Variants in CAPRIN2 observed in about 807,000 individuals in gnomAD.
CAPRIN2 encodes caprin family member 2.
CAPRIN2 carries 66 observed loss-of-function variants against 130.4 expected under a neutral mutation model. The observed-to-expected ratio is 0.51, with a 90% CI of 0.42 to 0.62. The LOEUF (loss-of-function observed/expected upper bound fraction) is 0.62. CAPRIN2 is among the 20% of genes least tolerant of loss of function. The pLI, the probability that CAPRIN2 is intolerant of heterozygous loss-of-function variation, is 0.00. For missense variants in CAPRIN2, 1,185 were observed against 1,246.6 expected (o/e 0.95, Z 0.74); for synonymous variants, 471 against 444.1 (o/e 1.06, Z -0.76).
exon 8 of CAPRIN2, chr12:30,729,322 G>A (rs550199151): frequency 6.5e-7 from 1 of 1,542,596 alleles, no homozygotes; most frequent in Admixed American, 2.2e-5. Context: ...CGTCTGTTAA[G>A]AAACTAGATA....
chr12:30,719,073 A>G lies in CAPRIN2; in HGVS notation c.2148+1738T>C. The G allele has an allele frequency of 6.2e-7, 1 of 1,612,470 alleles. No homozygotes were observed. On this transcript the variant is annotated intron_variant, in intron 12 of 16. Transcript: ENST00000298892. Reference sequence around the variant, plus strand: ...ACTGCAATCATCATTCATGTTTCATACTCACTGTCTGCATGGCTTGAAAGG... The same window carrying G: ...ACTGCAATCATCATTCATGTTTCATGCTCACTGTCTGCATGGCTTGAAAGG...
At chr12:30,741,287 T>C (rs761239898) in intron 2 of CAPRIN2, among the ~76,000 whole-genome samples, 181 bp from the exon 4 acceptor site, 2 of 152,140 alleles carry the variant, frequency 1.3e-5, no homozygotes, top group Non-Finnish European at 2.9e-5. Flanking sequence ...TTTTATTAAG[T>C]TGCATTTAAA....
intron 14 of CAPRIN2, among the ~76,000 whole-genome samples, chr12:30,714,581 ATTC>A (rs139124010): frequency 0.22 from 33,785 of 152,088 alleles, 3,958 homozygotes; most frequent in Middle Eastern, 0.32. Context: ...CAAATTCTAT[ATTC>A]TTCTTTGTGA....
At chr12:30,743,736 T>TA (rs895051167) in intron 2 of CAPRIN2, among the ~76,000 whole-genome samples, 25 of 152,310 alleles carry the variant, frequency 1.6e-4, no homozygotes, top group East Asian at 1.2e-3. Context: ...TGCCTGACCC[T>TA]AATAAGCACA....
intron 12 of CAPRIN2, among the ~76,000 whole-genome samples, chr12:30,717,606 C>CA (rs1003131965): frequency 8.6e-5 from 13 of 150,556 alleles, no homozygotes; most frequent in African/African-American, 2.2e-4. Flanking sequence ...AAAAAAAAAA[C>CA]AAAAAAACAC....
chr12:30,751,309 A>G, intron 1 of CAPRIN2, 176 bp from the exon 3 acceptor site: 3 of 592,100 alleles, frequency 5.1e-6, no homozygotes, highest in Non-Finnish European at 9.1e-6. Context: ...GTCAGGGGAG[A>G]AAAAATACAC....
At chr12:30,713,651 T>C (rs990086566) in intron 15 of CAPRIN2, 134 bp downstream of exon 17, 18 of 535,716 alleles carry the variant, frequency 3.4e-5, no homozygotes, top group Admixed American at 6.2e-5. Context: ...CTCTTCTCCA[T>C]AGGACTTACA....
chr12:30,731,377 T>G (rs71453780), exon 6 of CAPRIN2: 1 of 1,612,990 alleles, frequency 6.2e-7, no homozygotes, highest in South Asian at 1.1e-5. Context: ...TCGATAATTG[T>G]GTTTTTTTCT....
intron 15 of CAPRIN2, among the ~76,000 whole-genome samples, chr12:30,712,177 C>A (rs567149929): frequency 1.3e-5 from 2 of 151,978 alleles, no homozygotes; most frequent in Admixed American, 1.3e-4. Flanking sequence ...GTACTTCAAA[C>A]AAACTCAAGT....
Position 30,731,146 on chromosome 12 carries a change from A to G in CAPRIN2, c.1060+197T>C, listed in dbSNP as rs147463613. On this transcript the variant is annotated intron_variant, in intron 6 of 16. Coordinates refer to ENST00000298892, the Ensembl canonical transcript of CAPRIN2. ...GACAAAGTACAAATTAATATTTCTA[A>G]TAAGTTTCACTCGGTAAATCATGGT... 3.3e-5 allele frequency among the ~76,000 whole-genome samples: 5 copies of G among 152,302 alleles called. No homozygotes were observed. The East Asian group carries it at 9.6e-4, about 29-fold the overall frequency.
At chr12:30,748,860 G>A (rs982171024) in intron 2 of CAPRIN2, among the ~76,000 whole-genome samples, 1 of 151,870 alleles carries the variant, frequency 6.6e-6, no homozygotes, top group Non-Finnish European at 1.5e-5. Flanking sequence ...TCTATTCTAC[G>A]CACTAGGAAT....
Position 30,752,075 on chromosome 12 carries a change from C to G in CAPRIN2, c.421-942G>C, listed in dbSNP as rs191075741. Among the ~76,000 whole-genome samples the G allele has an allele frequency of 3.0e-3, 462 of 151,916 alleles. 2 individuals carry two copies. The highest frequency in any genetic ancestry group is 0.017 in the Middle Eastern group (5 of 292). On this transcript the variant is annotated intron_variant, in intron 1 of 16. Coordinates refer to ENST00000298892, the Ensembl canonical transcript of CAPRIN2. ...GTGGGATTACAGGCACCCCCCACCA[C>G]GCCTGGCTAATTCTTTTTGTATTTT...
exon 8 of CAPRIN2, chr12:30,729,068 C>T (rs370757839): frequency 5.0e-6 from 8 of 1,613,984 alleles, no homozygotes; most frequent in East Asian, 4.5e-5. Flanking sequence ...TCTGCTCTTC[C>T]GGCAGAGTAG....
exon 1 of CAPRIN2, chr12:30,753,782 A>G (rs779494172): frequency 1.3e-6 from 2 of 1,583,832 alleles, no homozygotes; most frequent in East Asian, 2.2e-5. Flanking sequence ...TAAAGTAATT[A>G]GTGCCGCTAG....
chr12:30,736,914 TCA>T (rs1238259943), intron 3 of CAPRIN2, among the ~76,000 whole-genome samples: 1 of 152,216 alleles, frequency 6.6e-6, no homozygotes, highest in Non-Finnish European at 1.5e-5. Flanking sequence ...CATGATTATC[TCA>T]GATTTATCTT....
intron 12 of CAPRIN2, among the ~76,000 whole-genome samples, chr12:30,717,610 A>G (rs1202548234): frequency 6.6e-6 from 1 of 152,192 alleles, no homozygotes; most frequent in Non-Finnish European, 1.5e-5. Flanking sequence ...AAAAAACAAA[A>G]AAACACTCCT....
chr12:30,709,767 A>C (rs2053697790), exon 17 of CAPRIN2: 1 of 1,015,120 alleles, frequency 9.9e-7, no homozygotes, highest in African/African-American at 1.6e-5. Context: ...GAAGGAAAAC[A>C]AAAAAGTAAG....
At chr12:30,724,150 T>C (rs577188779) in intron 10 of CAPRIN2, among the ~76,000 whole-genome samples, 126 of 152,284 alleles carry the variant, frequency 8.3e-4, no homozygotes, top group African/African-American at 3.0e-3. Context: ...CATTCACCCA[T>C]CCAGAGCCTT....
chr12:30,753,812 C>T, exon 1 of CAPRIN2: 1 of 1,520,232 alleles, frequency 6.6e-7, no homozygotes, highest in Non-Finnish European at 8.8e-7. Flanking sequence ...ATAGCCTTTA[C>T]ATAGGCAAAA....
Sources: allele counts gnomAD v4.1 joint callset (sites outside exome capture counted in the v4.1 genomes callset), GRCh38; gene constraint gnomAD v4.1.1; transcripts MANE v1.5; gene names NCBI Gene and HGNC (gene_info 2026-07-23, HGNC 2026-07-21).